PMFBP1: variants seen among roughly 807,000 people sequenced by gnomAD.
PMFBP1 encodes polyamine-modulated factor 1-binding protein 1.
Under a neutral mutation model 137.8 loss-of-function variants are expected in PMFBP1, and 131 were observed. The observed-to-expected ratio is 0.95, with a 90% CI of 0.82 to 1.10. PMFBP1 has a LOEUF of 1.10. PMFBP1 is among the 50% of genes least tolerant of loss of function. The pLI, the probability that PMFBP1 is intolerant of heterozygous loss-of-function variation, is 0.00. For synonymous variants in PMFBP1, 490 were observed against 450.4 expected (o/e 1.09, Z -1.11); for missense variants, 1,199 against 1,175.4 (o/e 1.02, Z -0.29).
At chr16:72,207,710 A>ATGTGTGTGTGTGTG in the PMFBP1 span, among the ~76,000 whole-genome samples, 6,333 of 143,948 alleles carry the variant, frequency 0.044, 416 homozygotes, top group African/African-American at 0.14. Context: ...CCAGTAGGGC[A>ATGTGTGTGTGTGTG]TGTGTGTGTG....
chr16:72,141,376 T>G (rs561420588), intron 5 of PMFBP1, among the ~76,000 whole-genome samples: 1 of 152,370 alleles, frequency 6.6e-6, no homozygotes, highest in East Asian at 1.9e-4. Context: ...GTAATTATAT[T>G]TATATTGTCT....
At chr16:72,241,476 CA>C in the PMFBP1 span, among the ~76,000 whole-genome samples, 1 of 152,162 alleles carries the variant, frequency 6.6e-6, no homozygotes, top group Non-Finnish European at 1.5e-5. Context: ...ACAGTGGGTT[CA>C]GTTAATTACC....
At chr16:72,221,401 T>C in the PMFBP1 span, among the ~76,000 whole-genome samples, 1 of 152,192 alleles carries the variant, frequency 6.6e-6, no homozygotes, top group Admixed American at 6.5e-5. Context: ...GGCCCGCTGC[T>C]CCGGCAATTA....
Position 72,140,044 on chromosome 16 carries a change from C to T in PMFBP1, c.807+368G>A, listed in dbSNP as rs117882481. On this transcript the variant is annotated intron_variant, in intron 6 of 20. Transcript: ENST00000237353. ...ATGGAATTCTGCAACTTATTCTTGACGATAAGTCACAAAGCGCCTTCCATG... is the reference window on the plus strand; with the variant it reads ...ATGGAATTCTGCAACTTATTCTTGATGATAAGTCACAAAGCGCCTTCCATG... Among the ~76,000 whole-genome samples, 198 of 152,282 alleles carry T rather than the reference C, an allele frequency of 1.3e-3. 3 individuals are homozygous for T. The East Asian group carries it at 0.03, about 23-fold the overall frequency.
intron 2 of PMFBP1, among the ~76,000 whole-genome samples, chr16:72,169,589 C>T (rs1357036058): frequency 6.6e-6 from 1 of 152,058 alleles, no homozygotes; most frequent in Non-Finnish European, 1.5e-5. Context: ...CAAACCTGCA[C>T]ATTCTGCACA....
At chr16:72,146,572 G>C (rs938439457) in intron 5 of PMFBP1, among the ~76,000 whole-genome samples, 3 of 152,172 alleles carry the variant, frequency 2.0e-5, no homozygotes, top group Admixed American at 2.0e-4. Flanking sequence ...TAGGAAAAGA[G>C]GAAGTCAAAT....
intron 5 of PMFBP1, among the ~76,000 whole-genome samples, chr16:72,148,844 G>C (rs950998467): frequency 1.3e-5 from 2 of 152,096 alleles, no homozygotes; most frequent in African/African-American, 4.8e-5. Context: ...GCCCTTTATG[G>C]GGATTGTGTA....
intron 13 of PMFBP1, 54 bp from the exon 14 acceptor site, chr16:72,128,848 C>G: frequency 6.2e-7 from 1 of 1,606,068 alleles, no homozygotes; most frequent in Non-Finnish European, 8.5e-7. Flanking sequence ...TCTCAGATAA[C>G]TATAAAAGCC....
At chr16:72,137,749 A>C (rs1486599620) in intron 7 of PMFBP1, among the ~76,000 whole-genome samples, 5 of 152,158 alleles carry the variant, frequency 3.3e-5, no homozygotes, top group African/African-American at 1.2e-4. Context: ...CACCAAGAGA[A>C]GGCAGGAACA....
chr16:72,155,789 C>T (rs967444449), intron 3 of PMFBP1, among the ~76,000 whole-genome samples: 1 of 152,014 alleles, frequency 6.6e-6, no homozygotes, highest in Non-Finnish European at 1.5e-5. Flanking sequence ...ATTGTGTGAC[C>T]ATCATTACAA....
the PMFBP1 span, among the ~76,000 whole-genome samples, chr16:72,222,301 T>A: frequency 6.6e-6 from 1 of 152,190 alleles, no homozygotes; most frequent in Non-Finnish European, 1.5e-5. Context: ...CTAAGATCAG[T>A]GCAGCCCTCA....
chr16:72,197,468 T>C, the PMFBP1 span, among the ~76,000 whole-genome samples: 2 of 152,168 alleles, frequency 1.3e-5, no homozygotes, highest in Non-Finnish European at 2.9e-5. Flanking sequence ...TAAATAGCAG[T>C]CTTCCTAAAA....
At chr16:72,127,950 CA>C (rs2042486975) in intron 14 of PMFBP1, among the ~76,000 whole-genome samples, 1 of 152,136 alleles carries the variant, frequency 6.6e-6, no homozygotes, top group Non-Finnish European at 1.5e-5. Context: ...GACCAACTAC[CA>C]AGGTGTTATA....
At chr16:72,179,732 G>C (rs184774059), upstream of PMFBP1, among the ~76,000 whole-genome samples, 63 of 152,300 alleles carry the variant, frequency 4.1e-4, no homozygotes, top group African/African-American at 1.4e-3. Context: ...GAACCAGTAC[G>C]GGGAATATTT....
chr16:72,133,595 C>A (rs2042580856), intron 9 of PMFBP1, among the ~76,000 whole-genome samples: 1 of 152,154 alleles, frequency 6.6e-6, no homozygotes, highest in Non-Finnish European at 1.5e-5. Flanking sequence ...CTCAAGCGAT[C>A]CTCCCACCTC....
chr16:72,198,277 G>A, the PMFBP1 span, among the ~76,000 whole-genome samples: 9 of 152,082 alleles, frequency 5.9e-5, no homozygotes, highest in South Asian at 2.1e-4. Context: ...AACCTCAATC[G>A]CTTCCAGCTA....
chr16:72,225,750 T>A, the PMFBP1 span, among the ~76,000 whole-genome samples: 10 of 146,698 alleles, frequency 6.8e-5, no homozygotes, highest in African/African-American at 2.5e-4. Context: ...ATAATAATAA[T>A]AAAGCCTCAC....
the PMFBP1 span, among the ~76,000 whole-genome samples, chr16:72,230,400 C>G: frequency 1.3e-5 from 2 of 152,168 alleles, no homozygotes; most frequent in Admixed American, 6.5e-5. Flanking sequence ...TTATTACACT[C>G]AATCCTATGG....
Position 72,122,994 on chromosome 16 carries a change from A to G in PMFBP1, c.2694-6T>C, listed in dbSNP as rs1239535271. ...CTAGTTTCTCATTGGCGACCCTGTA[A>G]TAAAATCACAGGAGAAAACAGCAGC... On this transcript the variant is annotated splice_region_variant and splice_polypyrimidine_tract_variant and intron_variant, in intron 18 of 20. Coordinates refer to ENST00000237353, the MANE Select transcript of PMFBP1 (RefSeq NM_031293.3). 6.2e-7 allele frequency: 1 copy of G among 1,611,850 alleles called. No homozygotes were observed. The highest frequency in any genetic ancestry group is 8.5e-7 in the Non-Finnish European group (1 of 1,179,478).
Sources: gnomAD v4.1 joint callset for allele counts (sites outside exome capture counted in the v4.1 genomes callset) on GRCh38, gnomAD v4.1.1 for gene constraint, MANE v1.5 for transcripts, NCBI Gene and HGNC (gene_info 2026-07-23, HGNC 2026-07-21) for gene names.